Variants in TASP1 observed in about 807,000 individuals in gnomAD.
TASP1 encodes the protein taspase 1.
Under a neutral mutation model 56.6 loss-of-function variants are expected in TASP1, and 16 were observed. That is an observed-to-expected ratio of 0.28 (90% confidence interval 0.19 to 0.43). TASP1 has a LOEUF of 0.43. TASP1 is among the 20% of genes least tolerant of loss of function. TASP1 has a pLI of 1.00. For missense variants in TASP1, 393 were observed against 511.6 expected (o/e 0.77, Z 2.24); for synonymous variants, 179 against 184.2 (o/e 0.97, Z 0.23).
the TASP1 span, among the ~76,000 whole-genome samples, chr20:13,136,176 G>A: frequency 6.6e-6 from 1 of 152,074 alleles, no homozygotes; most frequent in Non-Finnish European, 1.5e-5. Context: ...GGAGTTTCTG[G>A]GTGGTAAGGC....
chr20:13,613,101 T>C (rs192652735), intron 4 of TASP1, among the ~76,000 whole-genome samples: 11 of 152,326 alleles, frequency 7.2e-5, no homozygotes, highest in Admixed American at 6.5e-4. Flanking sequence ...TTAACCTTGT[T>C]TTCCATGACA....
At chr20:13,311,173 A>G in the TASP1 span, among the ~76,000 whole-genome samples, 1 of 152,000 alleles carries the variant, frequency 6.6e-6, no homozygotes, top group East Asian at 1.9e-4. Context: ...CAGCCTGGGC[A>G]ACAAGAGTGA....
chr20:13,288,668 C>G, the TASP1 span: 1 of 1,613,874 alleles, frequency 6.2e-7, no homozygotes, highest in Middle Eastern at 1.6e-4. Context: ...GACCTGTGAC[C>G]GTCCAAACTG....
intron 4 of TASP1, among the ~76,000 whole-genome samples, chr20:13,588,307 A>G (rs6033763): frequency 8.2e-4 from 91 of 111,252 alleles, no homozygotes; most frequent in African/African-American, 2.8e-3. Flanking sequence ...GGAAGGAAGG[A>G]AGAGAAAGAA....
At chr20:13,315,237 T>C in the TASP1 span, among the ~76,000 whole-genome samples, 6 of 152,154 alleles carry the variant, frequency 3.9e-5, no homozygotes, top group South Asian at 4.1e-4. Flanking sequence ...AATATACCAA[T>C]TGAAAAACAG....
chr20:13,125,019 C>T, the TASP1 span, among the ~76,000 whole-genome samples: 1 of 152,144 alleles, frequency 6.6e-6, no homozygotes, highest in East Asian at 1.9e-4. Context: ...CTTTAAAGAC[C>T]CCACTGCTAA....
the TASP1 span, among the ~76,000 whole-genome samples, chr20:13,266,390 C>G: frequency 6.6e-6 from 1 of 152,124 alleles, no homozygotes; most frequent in African/African-American, 2.4e-5. Context: ...TGAAGATCAC[C>G]TGCCTCAGCA....
At chr20:13,321,894 C>CT in the TASP1 span, among the ~76,000 whole-genome samples, 1 of 152,184 alleles carries the variant, frequency 6.6e-6, no homozygotes, top group African/African-American at 2.4e-5. Flanking sequence ...TGGCTGCATG[C>CT]TAGCTATGTG....
At chr20:13,185,359 T>C in the TASP1 span, among the ~76,000 whole-genome samples, 1 of 152,100 alleles carries the variant, frequency 6.6e-6, no homozygotes, top group Non-Finnish European at 1.5e-5. Flanking sequence ...ACTGCCATCT[T>C]TCTGAAATGT....
chr20:13,329,725 C>G, the TASP1 span, among the ~76,000 whole-genome samples: 1 of 151,900 alleles, frequency 6.6e-6, no homozygotes, highest in African/African-American at 2.4e-5. Context: ...CAAATAGAGA[C>G]AGTTTTTTTT....
At chr20:13,105,804 T>C in the TASP1 span, among the ~76,000 whole-genome samples, 1 of 152,192 alleles carries the variant, frequency 6.6e-6, no homozygotes, top group Non-Finnish European at 1.5e-5. Context: ...TCACCATCTC[T>C]TTATTCCATT....
chr20:13,258,682 C>T, the TASP1 span, among the ~76,000 whole-genome samples: 3 of 152,066 alleles, frequency 2.0e-5, no homozygotes, highest in Non-Finnish European at 4.4e-5. Context: ...GTAGAATTCT[C>T]GTTGGTGAGA....
At chr20:13,607,610 C>CA (rs2048204375) in intron 4 of TASP1, among the ~76,000 whole-genome samples, 1 of 152,174 alleles carries the variant, frequency 6.6e-6, no homozygotes, top group African/African-American at 2.4e-5. Flanking sequence ...AACGAGAAGT[C>CA]AGACATTAAC....
At chr20:13,375,169 G>A in the TASP1 span, among the ~76,000 whole-genome samples, 4 of 152,016 alleles carry the variant, frequency 2.6e-5, no homozygotes, top group Non-Finnish European at 5.9e-5. Flanking sequence ...GTGCCATGGT[G>A]GTTTGCTGCA....
At chr20:13,221,949 G>A in the TASP1 span, 1 of 1,308,560 alleles carries the variant, frequency 7.6e-7, no homozygotes, top group Non-Finnish European at 9.7e-7. Context: ...GTGCGCGGCT[G>A]CGGGGACGGT....
At chr20:13,534,761 G>T (rs2045351606) in intron 8 of TASP1, among the ~76,000 whole-genome samples, 1 of 152,094 alleles carries the variant, frequency 6.6e-6, no homozygotes. Flanking sequence ...TGGAAGGTTT[G>T]TGTTTCAATG....
chr20:13,350,924 C>T, the TASP1 span, among the ~76,000 whole-genome samples: 1 of 151,064 alleles, frequency 6.6e-6, no homozygotes, highest in Non-Finnish European at 1.5e-5. Flanking sequence ...TGATCTTGAG[C>T]TCCTGGGCTC....
the TASP1 span, among the ~76,000 whole-genome samples, chr20:13,242,999 A>C: frequency 6.6e-6 from 1 of 152,192 alleles, no homozygotes; most frequent in Admixed American, 6.5e-5. Context: ...CATTTTACAC[A>C]ATAAGGTTAA....
intron 4 of TASP1, among the ~76,000 whole-genome samples, chr20:13,588,239 A>G (rs143179065): frequency 0.011 from 1,468 of 133,856 alleles, 33 homozygotes; most frequent in African/African-American, 0.042. Flanking sequence ...AGGAGAAAGA[A>G]AGAAAGGAAG....
Sources: allele counts gnomAD v4.1 joint callset (sites outside exome capture counted in the v4.1 genomes callset), GRCh38; gene constraint gnomAD v4.1.1; transcripts MANE v1.5; gene names NCBI Gene and HGNC (gene_info 2026-07-23, HGNC 2026-07-21).